PLCB4: variants seen among roughly 807,000 people sequenced by gnomAD.
PLCB4 encodes 1-phosphatidylinositol 4,5-bisphosphate phosphodiesterase beta-4.
A neutral mutation model predicts 178.8 loss-of-function variants in PLCB4; 77 were observed. The ratio of observed to expected loss-of-function variants is 0.43; its 90% CI spans 0.36 to 0.52. The LOEUF is 0.52. Among genes scored for constraint, PLCB4 ranks in the 20% least tolerant of loss-of-function variants. The pLI, the probability that PLCB4 is intolerant of heterozygous loss-of-function variation, is 0.00. For synonymous variants in PLCB4, 496 were observed against 490.8 expected, an observed-to-expected ratio of 1.01 and a Z score of -0.14; for missense variants, 1,024 against 1,453.4, an observed-to-expected ratio of 0.70 and a Z score of 4.80.
intron 2 of PLCB4, among the ~76,000 whole-genome samples, chr20:9,170,007 G>A (rs548821814): frequency 3.9e-5 from 6 of 151,958 alleles, no homozygotes; most frequent in African/African-American, 1.2e-4. Context: ...ATTTCTATTC[G>A]ATGAAATGCA....
chr20:9,380,328 A>G (rs926419284), intron 13 of PLCB4, among the ~76,000 whole-genome samples, 166 bp downstream of exon 13: 3 of 152,086 alleles, frequency 2.0e-5, no homozygotes, highest in Non-Finnish European at 4.4e-5. Flanking sequence ...TTTACCTTTC[A>G]TCAGAATTAG....
At chr20:9,444,065 T>C in intron 31 of PLCB4, 35 bp downstream of exon 31, 1 of 1,478,042 alleles carries the variant, frequency 6.8e-7, no homozygotes, top group Non-Finnish European at 9.4e-7. Flanking sequence ...AGCACTCTTG[T>C]ATTACACATA....
At chr20:9,098,821 C>T (rs2091028618) in intron 2 of PLCB4, among the ~76,000 whole-genome samples, 1 of 146,940 alleles carries the variant, frequency 6.8e-6, no homozygotes. Flanking sequence ...TTGCCACATA[C>T]TCCAGGTCTT....
intron 30 of PLCB4, among the ~76,000 whole-genome samples, 186 bp downstream of exon 30, chr20:9,437,338 G>A (rs1395687822): frequency 1.3e-5 from 2 of 152,122 alleles, no homozygotes; most frequent in Non-Finnish European, 2.9e-5. Context: ...ACCTGGACAG[G>A]CCGTGGGCTC....
At chr20:9,150,780 C>T (rs781020992) in intron 2 of PLCB4, among the ~76,000 whole-genome samples, 4 of 152,084 alleles carry the variant, frequency 2.6e-5, no homozygotes, top group African/African-American at 9.7e-5. Flanking sequence ...CACATTTGGA[C>T]GATTTAAGCA....
chr20:9,468,538 C>G (rs200338174), intron 35 of PLCB4, 33 bp from the exon 36 acceptor site: 2 of 1,292,146 alleles, frequency 1.5e-6, no homozygotes, highest in South Asian at 1.2e-5. Flanking sequence ...TCCATCCCCC[C>G]TCCCTGTTTG....
At chr20:9,154,129 C>T (rs1002225822) in intron 2 of PLCB4, among the ~76,000 whole-genome samples, 1 of 152,100 alleles carries the variant, frequency 6.6e-6, no homozygotes, top group Non-Finnish European at 1.5e-5. Flanking sequence ...GCCATCAGGT[C>T]CACAGTGCAC....
chr20:9,457,326 A>G (rs2043116566), intron 33 of PLCB4, 88 bp from the exon 34 acceptor site: 1 of 749,080 alleles, frequency 1.3e-6, no homozygotes, highest in Non-Finnish European at 2.5e-6. Flanking sequence ...TGAATATATT[A>G]TCTTCATCAG....
At chr20:9,472,594 T>A (rs1237047157) in intron 36 of PLCB4, among the ~76,000 whole-genome samples, 196 bp from the exon 37 acceptor site, 2 of 152,200 alleles carry the variant, frequency 1.3e-5, no homozygotes, top group Admixed American at 6.5e-5. Context: ...TATCAGTTAA[T>A]CTGAGGGACA....
rs141469567 is a variant in PLCB4, at chr20:9,340,737, A to G, written c.369+1700A>G. Among the ~76,000 whole-genome samples, 649 of 151,610 alleles carry G rather than the reference A, an allele frequency of 4.3e-3. 4 individuals are homozygous for G. The highest frequency in any genetic ancestry group is 0.012 in the African/African-American group (501 of 41,306). On this transcript the variant is annotated intron_variant, in intron 7 of 39. Coordinates refer to ENST00000378473, the MANE Select transcript of PLCB4 (RefSeq NM_001377142.1). ...ATCCTTGCTCGTCCCCTTCCCAGCT[A>G]TGTGAAGCAGATATACGCTGGACCT...
Position 9,440,975 on chromosome 20 carries a change from G to A in PLCB4, c.2765-3006G>A, listed in dbSNP as rs181283828. Among the ~76,000 whole-genome samples the A allele has an allele frequency of 4.2e-4, 64 of 152,294 alleles. 1 individual carries two copies. The highest frequency in any genetic ancestry group is 1.8e-3 in the Admixed American group (28 of 15,288). ...TGGAGGAAGGGCAGTTTCAAGCAGT[G>A]TTAACATCCCGTTTACAACTGTCAG... On this transcript the variant is annotated intron_variant, in intron 30 of 39. Transcript: ENST00000378473.
chr20:9,085,411 C>T (rs534472679), intron 1 of PLCB4, among the ~76,000 whole-genome samples: 7 of 152,234 alleles, frequency 4.6e-5, no homozygotes, highest in East Asian at 3.9e-4. Context: ...GTAGCTAGCA[C>T]GTAGTAGGCT....
At chr20:9,137,777 G>A (rs991010956) in intron 2 of PLCB4, among the ~76,000 whole-genome samples, 7 of 149,894 alleles carry the variant, frequency 4.7e-5, no homozygotes, top group African/African-American at 1.7e-4. Context: ...TGGTGTGAAA[G>A]GCATTTCAAG....
intron 3 of PLCB4, among the ~76,000 whole-genome samples, chr20:9,235,980 A>C (rs760513447): frequency 1.4e-4 from 21 of 152,200 alleles, no homozygotes; most frequent in Non-Finnish European, 2.6e-4. Flanking sequence ...GAGTTGTGCA[A>C]ATCATAAGGG....
chr20:9,134,303 A>G (rs567305365), intron 2 of PLCB4, among the ~76,000 whole-genome samples: 1 of 152,298 alleles, frequency 6.6e-6, no homozygotes, highest in South Asian at 2.1e-4. Context: ...GTAATTTACT[A>G]TTTTCCTTCT....
intron 2 of PLCB4, among the ~76,000 whole-genome samples, chr20:9,187,713 T>G (rs2093348361): frequency 6.6e-6 from 1 of 152,242 alleles, no homozygotes; most frequent in African/African-American, 2.4e-5. Context: ...ATAGTTGTAT[T>G]TTTCCACTGA....
At chr20:9,113,984 G>C (rs1194731129) in intron 2 of PLCB4, among the ~76,000 whole-genome samples, 1 of 151,938 alleles carries the variant, frequency 6.6e-6, no homozygotes, top group African/African-American at 2.4e-5. Flanking sequence ...GAGGCTGAGG[G>C]GGGCGGATCA....
intron 1 of PLCB4, among the ~76,000 whole-genome samples, chr20:9,077,335 C>T (rs2089919589): frequency 6.6e-6 from 1 of 152,080 alleles, no homozygotes; most frequent in African/African-American, 2.4e-5. Flanking sequence ...TGGTCAAAAG[C>T]CTATGCACAC....
chr20:9,103,952 C>T (rs893250081), intron 2 of PLCB4, among the ~76,000 whole-genome samples: 1 of 152,060 alleles, frequency 6.6e-6, no homozygotes, highest in East Asian at 1.9e-4. Context: ...TTGATAAGCA[C>T]TATTATGAGA....
Sources: gnomAD v4.1 joint callset for allele counts (sites outside exome capture counted in the v4.1 genomes callset) on GRCh38, gnomAD v4.1.1 for gene constraint, MANE v1.5 for transcripts, NCBI Gene and HGNC (gene_info 2026-07-23, HGNC 2026-07-21) for gene names.